The following ANKRD42 variants were observed in gnomAD, a reference collection of about 807,000 sequenced individuals.
ANKRD42 encodes ankyrin repeat domain-containing protein 42.
ANKRD42 carries 43 observed loss-of-function variants against 51.5 expected under a neutral mutation model. That is an observed-to-expected ratio of 0.83 (90% CI 0.65 to 1.08). The LOEUF is 1.08. ANKRD42 is among the 50% of genes least tolerant of loss of function. The probability of loss-of-function intolerance (pLI) is 0.00; values close to 1 mark genes in which losing one functional copy is unlikely to be tolerated. For missense variants in ANKRD42, 608 were observed against 629.3 expected (o/e 0.97, Z 0.36); for synonymous variants, 203 against 213.0 (o/e 0.95, Z 0.41).
intron 7 of ANKRD42, among the ~76,000 whole-genome samples, chr11:83,232,456 T>A (rs1274206050): frequency 2.0e-5 from 3 of 152,218 alleles, no homozygotes; most frequent in Non-Finnish European, 2.9e-5. Context: ...TCTGCAACTT[T>A]ACTGAATTTG....
chr11:83,243,405 T>G (rs1863448687), intron 9 of ANKRD42, among the ~76,000 whole-genome samples: 1 of 152,222 alleles, frequency 6.6e-6, no homozygotes, highest in Non-Finnish European at 1.5e-5. Context: ...TTTGTTGAAT[T>G]GAAATCTTTC....
At chr11:83,236,350 T>C (rs376932368) in intron 7 of ANKRD42, 54 bp from the exon 8 acceptor site, 1 of 1,479,456 alleles carries the variant, frequency 6.8e-7, no homozygotes, top group African/African-American at 1.4e-5. Flanking sequence ...AAATTGTTAC[T>C]AATAACTAAC....
At chr11:83,215,182 A>G (rs895220998) in intron 5 of ANKRD42, 7 of 152,254 alleles carry the variant, frequency 4.6e-5, no homozygotes, top group African/African-American at 1.4e-4. Flanking sequence ...GTGTGTTAAT[A>G]AACATGAGAG....
rs1166727719 is a variant in ANKRD42, at chr11:83,211,403, G to A, written c.559G>A (p.Asp187Asn). The change falls in exon 5 of 11, where the codon GAT becomes AAT. Residue 187 changes from aspartate to asparagine, a missense_variant. Coordinates refer to ENST00000533342, the MANE Select transcript of ANKRD42 (RefSeq NM_001300975.2). ...LLVKWGCSIE[D>N]VDYNGNLPVH... The stretch of plus-strand genomic sequence containing the variant: ...TGTTAAATGGGGTTGTAGCATAGAA[G>A]ATGTGGACTACAATGGAAACCTTCC... The A allele has an allele frequency of 1.2e-6, 2 of 1,614,088 alleles. No homozygotes were observed. The highest frequency in any genetic ancestry group is 1.7e-6 in the Non-Finnish European group (2 of 1,180,036).
At chr11:83,248,966 ATAAT>A (rs1863624638) in exon 11 of ANKRD42, 3 of 983,658 alleles carry the variant, frequency 3.0e-6, no homozygotes, top group Non-Finnish European at 3.6e-6. Context: ...ATTAACTATA[ATAAT>A]TAATCTATTC....
chr11:83,208,907 A>G (rs1862193193), intron 3 of ANKRD42, among the ~76,000 whole-genome samples: 2 of 152,142 alleles, frequency 1.3e-5, no homozygotes, highest in African/African-American at 4.8e-5. Context: ...CAGCCTCCCA[A>G]AGTGCCAGGA....
chr11:83,217,842 G>C (rs764708947), intron 5 of ANKRD42, among the ~76,000 whole-genome samples: 1 of 152,166 alleles, frequency 6.6e-6, no homozygotes, highest in Non-Finnish European at 1.5e-5. Context: ...CTCCTCTTTT[G>C]GTTCCCTCTG....
chr11:83,212,829 G>A, intron 5 of ANKRD42: 1 of 1,435,624 alleles, frequency 7.0e-7, no homozygotes, highest in Non-Finnish European at 9.2e-7. Flanking sequence ...GAAGTCTTTT[G>A]GTATGAACTC....
At chr11:83,249,519 C>T (rs1338647756), downstream of ANKRD42, among the ~76,000 whole-genome samples, 2 of 152,166 alleles carry the variant, frequency 1.3e-5, no homozygotes, top group African/African-American at 4.8e-5. Context: ...TTGAGCCATT[C>T]CAAACTGTCT....
intron 5 of ANKRD42, among the ~76,000 whole-genome samples, chr11:83,221,980 G>C (rs1226275274): frequency 1.3e-5 from 2 of 152,198 alleles, no homozygotes; most frequent in African/African-American, 2.4e-5. Context: ...GAAGCTGCTT[G>C]TTTACTTTGA....
At chr11:83,239,698 G>A (rs1279107169) in intron 8 of ANKRD42, among the ~76,000 whole-genome samples, 1 of 152,086 alleles carries the variant, frequency 6.6e-6, no homozygotes, top group Non-Finnish European at 1.5e-5. Context: ...ATGTATGTGT[G>A]GGCTTAATTC....
chr11:83,247,899 G>C (rs373912607), intron 10 of ANKRD42, 44 bp from the exon 11 acceptor site: 1 of 1,492,342 alleles, frequency 6.7e-7, no homozygotes, highest in African/African-American at 1.4e-5. Flanking sequence ...GTAATTATTA[G>C]TTGACATTGA....
chr11:83,261,841 T>C, downstream of ANKRD42: 5 of 1,113,282 alleles, frequency 4.5e-6, no homozygotes, highest in Non-Finnish European at 6.6e-6. Flanking sequence ...CAACTGACAA[T>C]GTTCAAAGTA....
chr11:83,247,462 T>C (rs1174956560), intron 10 of ANKRD42, among the ~76,000 whole-genome samples: 1 of 152,172 alleles, frequency 6.6e-6, no homozygotes, highest in Non-Finnish European at 1.5e-5. Flanking sequence ...TTGCACTTGT[T>C]CCTTTTGTCT....
downstream of ANKRD42, among the ~76,000 whole-genome samples, chr11:83,251,556 C>T (rs971097118): frequency 6.6e-6 from 1 of 152,124 alleles, no homozygotes; most frequent in Non-Finnish European, 1.5e-5. Flanking sequence ...GATGGCTAGC[C>T]ATGATTTCAA....
intron 8 of ANKRD42, among the ~76,000 whole-genome samples, chr11:83,238,241 T>C (rs934547160): frequency 3.9e-5 from 6 of 152,234 alleles, no homozygotes; most frequent in Non-Finnish European, 7.3e-5. Flanking sequence ...TTTTGGTGGT[T>C]ATGAATAAAG....
chr11:83,208,082 G>A (rs1301792953), intron 3 of ANKRD42, among the ~76,000 whole-genome samples: 1 of 152,126 alleles, frequency 6.6e-6, no homozygotes, highest in African/African-American at 2.4e-5. Flanking sequence ...GGAGTGCAGT[G>A]CCCTGGTCAT....
chr11:83,231,030 A>T (rs1214423527), intron 7 of ANKRD42, among the ~76,000 whole-genome samples: 1 of 152,192 alleles, frequency 6.6e-6, no homozygotes, highest in African/African-American at 2.4e-5. Flanking sequence ...AGGAGTGAAG[A>T]TGTCTCTTTG....
chr11:83,256,739 A>G (rs1469553665), downstream of ANKRD42, among the ~76,000 whole-genome samples: 1 of 152,190 alleles, frequency 6.6e-6, no homozygotes, highest in Admixed American at 6.5e-5. Context: ...TGTGGACGCT[A>G]AAGTCATTTT....
Sources: allele counts gnomAD v4.1 joint callset (sites outside exome capture counted in the v4.1 genomes callset), GRCh38; gene constraint gnomAD v4.1.1; transcripts MANE v1.5; gene names NCBI Gene and HGNC (gene_info 2026-07-23, HGNC 2026-07-21).